Variants in FRK observed in about 807,000 individuals in gnomAD.
The protein encoded by FRK is fyn related Src family tyrosine kinase.
Under a neutral mutation model 56.4 loss-of-function variants are expected in FRK, and 51 were observed. That is an observed-to-expected ratio of 0.90 (90% CI 0.72 to 1.14). The LOEUF is 1.14. Ranked by LOEUF, FRK falls within the 50% of genes most tolerant of loss-of-function variation. The pLI is 0.00. For synonymous variants in FRK, 245 were observed against 217.9 expected (o/e 1.12, Z -1.10); for missense variants, 570 against 601.4 (o/e 0.95, Z 0.55).
intron 4 of FRK, among the ~76,000 whole-genome samples, chr6:115,958,798 A>AAAAG (rs1239365546): frequency 2.7e-5 from 2 of 73,314 alleles, no homozygotes; most frequent in Admixed American, 1.4e-4. Context: ...GAAAGAAAGA[A>AAAAG]AAAGAAAGAA....
chr6:116,073,620 G>C, the FRK span, among the ~76,000 whole-genome samples: 1 of 152,174 alleles, frequency 6.6e-6, no homozygotes, highest in Admixed American at 6.6e-5. Context: ...GAAGCAGCAG[G>C]TAAGTGATCG....
rs369155986 is a variant in FRK, at chr6:116,060,187, C to T, written c.125G>A (p.Arg42Lys). 2.5e-6 allele frequency: 4 copies of T among 1,614,052 alleles called. No individual in the cohort carries two copies. In the South Asian group the frequency reaches 3.3e-5, roughly 13 times the overall value. Residue 42 changes from arginine (R) to lysine (K), a missense_variant, in exon 1 of 8, where the codon AGG becomes AAG. By Grantham distance (26) the Arg-to-Lys change is conservative. Coordinates refer to ENST00000606080, the MANE Select transcript of FRK (RefSeq NM_002031.3). ...CAAAGCCACAAAGTAGTGGCCATGC[C>T]TCTGTGACTGGGGAGAGCAAAGGGC... ...PGALCSPQSQRHGHYFVALFD... is the reference protein window; with the variant it reads ...PGALCSPQSQKHGHYFVALFD...
the FRK span, among the ~76,000 whole-genome samples, chr6:116,086,350 G>A: frequency 6.6e-6 from 1 of 152,176 alleles, no homozygotes; most frequent in African/African-American, 2.4e-5. Context: ...TGAATCTCAT[G>A]ATAAAATCCA....
At chr6:115,955,782 C>T (rs1026503987) in intron 5 of FRK, among the ~76,000 whole-genome samples, 1 of 152,186 alleles carries the variant, frequency 6.6e-6, no homozygotes, top group Non-Finnish European at 1.5e-5. Context: ...ATTGTCAATA[C>T]TTGATCTCAC....
At chr6:116,075,776 A>G in the FRK span, among the ~76,000 whole-genome samples, 1 of 152,112 alleles carries the variant, frequency 6.6e-6, no homozygotes, top group East Asian at 1.9e-4. Context: ...CAAGTGGCAT[A>G]AATTCTGAGC....
chr6:116,075,479 A>AC, the FRK span, among the ~76,000 whole-genome samples: 16 of 151,646 alleles, frequency 1.1e-4, no homozygotes, highest in Non-Finnish European at 2.2e-4. Flanking sequence ...AAAAAAAAAA[A>AC]AAAACCTGGA....
the FRK span, among the ~76,000 whole-genome samples, chr6:116,070,932 C>T: frequency 2.0e-5 from 3 of 152,124 alleles, no homozygotes; most frequent in South Asian, 6.2e-4. Context: ...TGATATTGGA[C>T]ATTTTTAAGT....
At chr6:115,968,266 G>T (rs1043423431) in intron 3 of FRK, among the ~76,000 whole-genome samples, 2 of 152,048 alleles carry the variant, frequency 1.3e-5, no homozygotes, top group African/African-American at 4.8e-5. Context: ...CAAGACCCCT[G>T]CCTTCCTAGA....
intron 2 of FRK, among the ~76,000 whole-genome samples, chr6:115,999,553 T>C (rs1298280680): frequency 6.6e-6 from 1 of 152,148 alleles, no homozygotes; most frequent in Non-Finnish European, 1.5e-5. Context: ...CTCCAAGCCA[T>C]TGTTGCTCAA....
At chr6:116,083,251 C>T in the FRK span, among the ~76,000 whole-genome samples, 2 of 152,088 alleles carry the variant, frequency 1.3e-5, no homozygotes, top group Non-Finnish European at 2.9e-5. Context: ...CAAAGTTCAC[C>T]TTCATGTGCT....
At chr6:116,073,567 A>G in the FRK span, among the ~76,000 whole-genome samples, 2 of 152,192 alleles carry the variant, frequency 1.3e-5, no homozygotes, top group African/African-American at 4.8e-5. Context: ...ATTGTTGAGA[A>G]CATTAAATAA....
Position 115,932,449 on chromosome 6 carries a change from T to C in FRK, c.*9965A>G, listed in dbSNP as rs1771973993. 1 of 152,206 alleles carries C rather than the reference T, an allele frequency of 6.6e-6. No homozygotes were observed. The highest frequency in any genetic ancestry group is 1.5e-5 in the Non-Finnish European group (1 of 68,034). 9.4% of individuals were successfully genotyped at this position (152,206 alleles called of 1,614,324 possible). A position where few individuals can be genotyped will look rare whatever the true frequency, so the allele number is the denominator to read the frequency against. On this transcript the variant is annotated 3_prime_UTR_variant, in exon 8 of 8. Transcript: ENST00000606080. ...TTCCAGAAAAAACAAGAATCAAACA[T>C]TGTCAGATCAGCCCACTGGCAATTC...
intron 2 of FRK, among the ~76,000 whole-genome samples, chr6:116,001,194 C>T (rs746271466): frequency 2.7e-5 from 4 of 150,498 alleles, no homozygotes; most frequent in African/African-American, 4.9e-5. Flanking sequence ...GCCGACATGG[C>T]GCCACTGCAC....
At chr6:116,032,768 G>A (rs954949001) in intron 1 of FRK, among the ~76,000 whole-genome samples, 4 of 152,034 alleles carry the variant, frequency 2.6e-5, no homozygotes, top group Admixed American at 2.0e-4. Flanking sequence ...GTAATTTTAT[G>A]TAATAGCACC....
At chr6:116,014,332 T>G (rs187898922) in intron 1 of FRK, among the ~76,000 whole-genome samples, 11 of 152,148 alleles carry the variant, frequency 7.2e-5, no homozygotes, top group Non-Finnish European at 1.5e-4. Flanking sequence ...AAAAAGAAAG[T>G]GATGAAACAG....
chr6:115,955,204 T>C (rs1235144528), intron 5 of FRK, among the ~76,000 whole-genome samples: 1 of 151,910 alleles, frequency 6.6e-6, no homozygotes, highest in African/African-American at 2.4e-5. Context: ...TCCCATAGGT[T>C]GAAAAGAACC....
At chr6:115,998,834 C>G (rs1038603408) in intron 2 of FRK, among the ~76,000 whole-genome samples, 3 of 152,148 alleles carry the variant, frequency 2.0e-5, no homozygotes, top group African/African-American at 4.8e-5. Flanking sequence ...TATTGATGAG[C>G]TCTTTTGCCT....
At chr6:115,973,132 AC>A (rs1473710005) in intron 2 of FRK, among the ~76,000 whole-genome samples, 1 of 152,214 alleles carries the variant, frequency 6.6e-6, no homozygotes, top group African/African-American at 2.4e-5. Context: ...TATCTGGAAC[AC>A]ATCCTTGCAC....
chr6:116,089,433 A>C, the FRK span, among the ~76,000 whole-genome samples: 2 of 152,232 alleles, frequency 1.3e-5, no homozygotes, highest in Non-Finnish European at 2.9e-5. Context: ...ATGCTGTATT[A>C]GTTTGCTAGG....
Sources: allele counts gnomAD v4.1 joint callset (sites outside exome capture counted in the v4.1 genomes callset), GRCh38; gene constraint gnomAD v4.1.1; transcripts MANE v1.5; gene names NCBI Gene and HGNC (gene_info 2026-07-23, HGNC 2026-07-21).